Variants in SLC22A23 observed in about 807,000 individuals in gnomAD.
SLC22A23 encodes the protein solute carrier family 22 member 23.
In SLC22A23, 26 loss-of-function variants were observed where a neutral mutation model predicts 61.0. The observed-to-expected ratio is 0.43, with a 90% CI of 0.31 to 0.59. SLC22A23 has a LOEUF of 0.59. Among genes scored for constraint, SLC22A23 ranks in the 20% least tolerant of loss-of-function variants. SLC22A23 has a pLI of 0.11. For synonymous variants in SLC22A23, 430 were observed against 413.9 expected, an observed-to-expected ratio of 1.04 and a Z score of -0.47; for missense variants, 796 against 934.7, an observed-to-expected ratio of 0.85 and a Z score of 1.94.
chr6:3,393,196 C>G (rs1035668018), intron 3 of SLC22A23, among the ~76,000 whole-genome samples: 10 of 152,052 alleles, frequency 6.6e-5, no homozygotes, highest in Admixed American at 5.9e-4. Flanking sequence ...GCGGGGGTGA[C>G]GAAAGCCTCA....
In SLC22A23 at chr6:3,410,131, A is replaced by G; in HGVS notation, c.913+57T>C. The G allele has an allele frequency of 6.5e-7, 1 of 1,548,544 alleles. No homozygotes were observed. Among genetic ancestry groups the G allele is most frequent in the South Asian group, 1.3e-5 (1 of 79,310 alleles). Reference sequence around the variant, plus strand: ...CACAGTATCTTTCCCAGAACCTCCCAGGCAACAATACTTTTGCTAAATTCT... The same window carrying G: ...CACAGTATCTTTCCCAGAACCTCCCGGGCAACAATACTTTTGCTAAATTCT... On this transcript the variant is annotated intron_variant, in intron 3 of 9. Coordinates refer to ENST00000406686, the MANE Select transcript of SLC22A23 (RefSeq NM_015482.2). The surrounding 1 kb of genome is among the most constrained non-coding windows in gnomAD (Gnocchi z 5.0).
intron 3 of SLC22A23, among the ~76,000 whole-genome samples, chr6:3,406,526 CTGTGTGTGTG>C (rs61072525): frequency 2.9e-5 from 3 of 103,286 alleles, no homozygotes; most frequent in African/African-American, 9.0e-5. Flanking sequence ...TTTCGACTGC[CTGTGTGTGTG>C]TGTGTGTGTG....
intron 3 of SLC22A23, among the ~76,000 whole-genome samples, chr6:3,403,899 A>AGG (rs1453043418): frequency 6.6e-6 from 1 of 152,210 alleles, no homozygotes; most frequent in African/African-American, 2.4e-5. Context: ...CTTTATAGAG[A>AGG]GGGAGACACA....
chr6:3,449,911 ATTAG>A (rs1434866024), intron 1 of SLC22A23, among the ~76,000 whole-genome samples: 2 of 152,246 alleles, frequency 1.3e-5, no homozygotes, highest in Middle Eastern at 3.2e-3. Flanking sequence ...TCGGTAAGTG[ATTAG>A]TTAAATAAAT....
At chr6:3,378,618 CCTCT>C (rs1320210465) in intron 3 of SLC22A23, among the ~76,000 whole-genome samples, 2 of 151,474 alleles carry the variant, frequency 1.3e-5, no homozygotes, top group African/African-American at 4.9e-5. Context: ...TGCCTCTGAA[CCTCT>C]CTCTGTGTCA....
At chr6:3,276,464 T>G (rs527846887) in intron 9 of SLC22A23, among the ~76,000 whole-genome samples, 3 of 152,336 alleles carry the variant, frequency 2.0e-5, no homozygotes, top group African/African-American at 7.2e-5. Flanking sequence ...CCGATTTTCC[T>G]AGAACACAGA....
At chr6:3,361,758 T>C (rs1403065060) in intron 3 of SLC22A23, among the ~76,000 whole-genome samples, 1 of 152,166 alleles carries the variant, frequency 6.6e-6, no homozygotes, top group African/African-American at 2.4e-5. Context: ...AATCACATTG[T>C]GGGGGCAAGA....
intron 3 of SLC22A23, among the ~76,000 whole-genome samples, chr6:3,379,524 G>A (rs962725185): frequency 3.9e-5 from 6 of 152,256 alleles, no homozygotes; most frequent in East Asian, 1.9e-4. Context: ...GGAGGTGTGC[G>A]AGGGTGGGCA....
rs1762107073 is a variant in SLC22A23 at position 3,308,003 on chromosome 6, A to G, written c.1083-9785T>C. Among the ~76,000 whole-genome samples, 1 of 152,050 alleles carries G rather than the reference A, an allele frequency of 6.6e-6. No individual in the cohort carries two copies. The highest frequency in any genetic ancestry group is 2.4e-5 in the African/African-American group (1 of 41,396). On this transcript the variant is annotated intron_variant, in intron 4 of 9. Coordinates refer to ENST00000406686, the MANE Select transcript of SLC22A23 (RefSeq NM_015482.2). The surrounding 1 kb of genome is among the most constrained non-coding windows in gnomAD (Gnocchi z 5.1). ...CGAGGGAGGAACACCTTGACATTCC[A>G]CTCACATCAGGCACTAGAGGAGTCA...
At chr6:3,432,855 C>T (rs563418708) in intron 1 of SLC22A23, among the ~76,000 whole-genome samples, 1 of 152,354 alleles carries the variant, frequency 6.6e-6, no homozygotes, top group East Asian at 1.9e-4. Flanking sequence ...CCCTCCTTCT[C>T]TCACTAACTC....
In SLC22A23 at chr6:3,297,616, C is replaced by T. The variant is rs1286477428; in HGVS notation, c.1210+475G>A. Among the ~76,000 whole-genome samples the T allele has an allele frequency of 6.6e-6, 1 of 152,142 alleles. No homozygotes were observed. The highest frequency in any genetic ancestry group is 1.5e-5 in the Non-Finnish European group (1 of 68,026). ...CACGCAGGAATTCTATGGATCTGAA[C>T]GACTATCCAAAAACACTTCACCTTT... On this transcript the variant is annotated intron_variant, in intron 5 of 9. Transcript: ENST00000406686. The surrounding 1 kb of genome is among the most constrained non-coding windows in gnomAD (Gnocchi z 4.3).
At chr6:3,357,667 T>G (rs1395402514) in intron 3 of SLC22A23, among the ~76,000 whole-genome samples, 1 of 152,200 alleles carries the variant, frequency 6.6e-6, no homozygotes, top group Non-Finnish European at 1.5e-5. Context: ...CAGAACACAC[T>G]GAATAATGAC....
chr6:3,389,608 C>A (rs1369038014), intron 3 of SLC22A23, among the ~76,000 whole-genome samples: 1 of 152,196 alleles, frequency 6.6e-6, no homozygotes, highest in East Asian at 1.9e-4. Context: ...TACTGCCCGG[C>A]CTCACCACCA....
chr6:3,323,690 T>A, intron 4 of SLC22A23, 144 bp downstream of exon 4: 4 of 980,856 alleles, frequency 4.1e-6, no homozygotes, highest in Non-Finnish European at 5.9e-6. Context: ...TAAAATTTTT[T>A]AAAAAGAGAG....
chr6:3,325,735 A>C (rs553324601), intron 3 of SLC22A23, among the ~76,000 whole-genome samples: 1 of 152,352 alleles, frequency 6.6e-6, no homozygotes, highest in South Asian at 2.1e-4. Context: ...TATTAAGCAC[A>C]AGCAGTAAAT....
intron 4 of SLC22A23, among the ~76,000 whole-genome samples, chr6:3,299,096 C>T (rs1290304827): frequency 1.3e-5 from 2 of 151,968 alleles, no homozygotes; most frequent in Admixed American, 6.6e-5. Flanking sequence ...TCACTGTGTA[C>T]CCCATAAATA....
intron 5 of SLC22A23, among the ~76,000 whole-genome samples, chr6:3,295,229 C>T (rs117937716): frequency 8.5e-5 from 13 of 152,162 alleles, no homozygotes; most frequent in Non-Finnish European, 1.5e-4. Context: ...TGAGGGGAAG[C>T]GGGGAGAAGT....
intron 1 of SLC22A23, among the ~76,000 whole-genome samples, chr6:3,451,719 T>C (rs2326232): frequency 0.53 from 81,302 of 151,978 alleles, 22,195 homozygotes; most frequent in South Asian, 0.73. Flanking sequence ...TGGAAGGAAT[T>C]TGATTCTTTT....
At chr6:3,399,328 A>T (rs568524491) in intron 3 of SLC22A23, among the ~76,000 whole-genome samples, 2 of 152,212 alleles carry the variant, frequency 1.3e-5, no homozygotes, top group Non-Finnish European at 2.9e-5. Context: ...AGCAATCGGA[A>T]TGTGGTTCCT....
Sources: gnomAD v4.1 joint callset for allele counts (sites outside exome capture counted in the v4.1 genomes callset) on GRCh38, gnomAD v4.1.1 for gene constraint, Gnocchi (gnomAD v3.1) non-coding constraint, MANE v1.5 for transcripts, NCBI Gene and HGNC (gene_info 2026-07-23, HGNC 2026-07-21) for gene names.